The following DMD variants were observed in gnomAD, a reference collection of about 807,000 sequenced individuals.
DMD encodes dystrophin, also known as mutant dystrophin.
In DMD, 63 loss-of-function variants were observed where a neutral mutation model predicts 330.1. The ratio of observed to expected loss-of-function variants is 0.19; its 90% CI spans 0.16 to 0.24. The LOEUF (loss-of-function observed/expected upper bound fraction) is 0.24, where lower values mean the gene tolerates loss of function less well. Ranked by LOEUF, DMD falls within the 10% of genes least tolerant of loss-of-function variation. The probability of loss-of-function intolerance (pLI) is 1.00; values close to 1 mark genes in which losing one functional copy is unlikely to be tolerated. For synonymous variants in DMD, 1,223 were observed against 959.8 expected (o/e 1.27, Z -5.07); for missense variants, 3,344 against 2,684.1 (o/e 1.25, Z -5.43).
At chrX:31,745,376 G>C (rs2087738140) in intron 51 of DMD, among the ~76,000 whole-genome samples, 1 of 111,297 alleles carries the variant, frequency 9.0e-6, no homozygotes, top group Admixed American at 9.6e-5. Context: ...TCATGTTGAA[G>C]GCCATGGGAA....
intron 27 of DMD, among the ~76,000 whole-genome samples, chrX:32,442,004 A>G (rs1163239468): frequency 2.7e-5 from 3 of 110,994 alleles, no homozygotes; most frequent in East Asian, 2.8e-4. Flanking sequence ...ATTATTTTAA[A>G]TGGCCATTAA....
chrX:32,588,068 G>C (rs1360337380), intron 13 of DMD, among the ~76,000 whole-genome samples: 1 of 111,483 alleles, frequency 9.0e-6, no homozygotes, highest in African/African-American at 3.3e-5. Context: ...TCCCTTTTAA[G>C]TCAAAAAAAT....
chrX:32,654,360 A>AG (rs1163310853), intron 9 of DMD, among the ~76,000 whole-genome samples: 2 of 111,549 alleles, frequency 1.8e-5, no homozygotes, highest in Non-Finnish European at 1.9e-5. Context: ...TTTAGCATGA[A>AG]GGTTGTTGAA....
chrX:32,252,607 TATAA>T (rs778399426), intron 43 of DMD, among the ~76,000 whole-genome samples: 888 of 80,918 alleles, frequency 0.011, 37 homozygotes, highest in African/African-American at 0.038. Flanking sequence ...TATAAACATA[TATAA>T]ATAAATATAT....
At chrX:32,686,649 A>G (rs184702996) in intron 9 of DMD, among the ~76,000 whole-genome samples, 1 of 109,928 alleles carries the variant, frequency 9.1e-6, no homozygotes. Flanking sequence ...CATGTATCTT[A>G]ATTATGATGT....
At chrX:32,735,155 C>A (rs2068274642) in intron 7 of DMD, among the ~76,000 whole-genome samples, 1 of 108,126 alleles carries the variant, frequency 9.2e-6, no homozygotes, top group Non-Finnish European at 1.9e-5. Context: ...TGAGTGAACT[C>A]CCATTCACAA....
intron 48 of DMD, among the ~76,000 whole-genome samples, 183 bp from the exon 49 acceptor site, chrX:31,837,002 TA>T (rs1215937802): frequency 1.8e-5 from 2 of 111,489 alleles, no homozygotes; most frequent in African/African-American, 3.3e-5. Context: ...ACATTAAACT[TA>T]AAAAAAATTC....
intron 77 of DMD, among the ~76,000 whole-genome samples, chrX:31,129,548 C>T (rs2034207684): frequency 9.0e-6 from 1 of 111,716 alleles, no homozygotes; most frequent in Non-Finnish European, 1.9e-5. Flanking sequence ...CTTTGCAAGC[C>T]CACGGTCTCT....
rs143537086 is a variant in DMD, at chrX:33,108,035, G to A, written c.32-87835C>T. 4.0e-3 allele frequency among the ~76,000 whole-genome samples: 448 copies of A among 111,390 alleles called. 3 individuals carry two copies. The highest frequency in any genetic ancestry group is 0.013 in the African/African-American group (409 of 30,736). On this transcript the variant is annotated intron_variant, in intron 1 of 78. Coordinates refer to ENST00000357033, the MANE Select transcript of DMD (RefSeq NM_004006.3). ...AAGAGGCAAAATTATGCTAGATATT[G>A]TATCAACAATATATTGTTTTACTAA...
chrX:33,297,867 A>G (rs931837404), intron 1 of DMD, among the ~76,000 whole-genome samples: 2 of 110,566 alleles, frequency 1.8e-5, no homozygotes, highest in African/African-American at 6.6e-5. Flanking sequence ...CTTCAGTTAT[A>G]GAGATCTAAC....
intron 49 of DMD, among the ~76,000 whole-genome samples, chrX:31,835,890 A>G (rs1167498071): frequency 5.4e-5 from 6 of 111,933 alleles, no homozygotes; most frequent in Non-Finnish European, 1.1e-4. Flanking sequence ...ACATTAACTG[A>G]GAAACCAAGA....
At chrX:31,201,158 TACACACACACACACACACACAC>T (rs57235865) in intron 67 of DMD, among the ~76,000 whole-genome samples, 3 of 98,307 alleles carry the variant, frequency 3.1e-5, no homozygotes, top group South Asian at 4.9e-4. Context: ...AGAGACCCTG[TACACACACACACACACACACAC>T]ACACACACAC....
At chrX:31,318,351 G>A (rs73466347) in intron 62 of DMD, among the ~76,000 whole-genome samples, 4,341 of 111,888 alleles carry the variant, frequency 0.039, 227 homozygotes, top group African/African-American at 0.13. Flanking sequence ...TCAAATACTC[G>A]TACAAATAGA....
intron 2 of DMD, among the ~76,000 whole-genome samples, chrX:32,908,261 G>C (rs987859982): frequency 9.0e-6 from 1 of 111,520 alleles, no homozygotes; most frequent in African/African-American, 3.3e-5. Flanking sequence ...TTAATCTCCT[G>C]TTCTACCATG....
chrX:33,082,454 T>C (rs1232623342), intron 1 of DMD, among the ~76,000 whole-genome samples: 1 of 112,262 alleles, frequency 8.9e-6, no homozygotes, highest in Non-Finnish European at 1.9e-5. Context: ...AAAAGAAACT[T>C]AATAAATGGC....
In DMD at chrX:31,824,229, G is replaced by A. The variant is rs183151074; in HGVS notation, c.7201-4146C>T. Among the ~76,000 whole-genome samples the A allele has an allele frequency of 2.5e-3, 280 of 111,124 alleles. 1 individual carries two copies. Among genetic ancestry groups the A allele is most frequent in the African/African-American group, 8.8e-3 (270 of 30,543 alleles). ...ACATGGGTATGTATGTGAAAGAAAT[G>A]GATAAGGGTATATGTAGAGCAATGT... On this transcript the variant is annotated intron_variant, in intron 49 of 78. Coordinates refer to ENST00000357033, the MANE Select transcript of DMD (RefSeq NM_004006.3).
At chrX:33,244,636 T>G (rs1250829791) in intron 1 of DMD, among the ~76,000 whole-genome samples, 1 of 111,832 alleles carries the variant, frequency 8.9e-6, no homozygotes, top group Admixed American at 9.5e-5. Context: ...TGATTCGTAG[T>G]TTTTTAACTG....
At chrX:31,197,631 G>A (rs2043031873) in intron 67 of DMD, among the ~76,000 whole-genome samples, 1 of 111,568 alleles carries the variant, frequency 9.0e-6, no homozygotes, top group Admixed American at 9.6e-5. Flanking sequence ...GCAGAAAACA[G>A]ATGTAAAATA....
intron 4 of DMD, among the ~76,000 whole-genome samples, chrX:32,842,366 T>C (rs1557076846): frequency 8.9e-6 from 1 of 112,195 alleles, no homozygotes; most frequent in Non-Finnish European, 1.9e-5. Flanking sequence ...CTCCAAAAAC[T>C]TGCCCTATTC....
Sources: allele counts gnomAD v4.1 joint callset (sites outside exome capture counted in the v4.1 genomes callset), GRCh38; gene constraint gnomAD v4.1.1; transcripts MANE v1.5; gene names NCBI Gene and HGNC (gene_info 2026-07-23, HGNC 2026-07-21).